GSAP: variants seen among roughly 807,000 people sequenced by gnomAD.
GSAP encodes gamma-secretase-activating protein.
In GSAP, 118 loss-of-function variants were observed where a neutral mutation model predicts 131.7. That is an observed-to-expected ratio of 0.90 (90% CI 0.77 to 1.04). The LOEUF is 1.04. GSAP is among the 50% of genes least tolerant of loss of function. The pLI is 0.00. For missense variants in GSAP, 1,019 were observed against 1,013.2 expected, an observed-to-expected ratio of 1.01 and a Z score of -0.08; for synonymous variants, 381 against 363.4, an observed-to-expected ratio of 1.05 and a Z score of -0.55.
chr7:77,369,751 T>C (rs1267855196), intron 12 of GSAP, among the ~76,000 whole-genome samples: 1 of 152,124 alleles, frequency 6.6e-6, no homozygotes, highest in Non-Finnish European at 1.5e-5. Flanking sequence ...TATCCTATTT[T>C]GCTGGAATAG....
chr7:77,315,810 T>C (rs1330659575), intron 26 of GSAP: 1 of 152,054 alleles, frequency 6.6e-6, no homozygotes, highest in Admixed American at 6.5e-5. Context: ...AGAGGTAAGG[T>C]TGGAAAAGCT....
intron 24 of GSAP, 101 bp from the exon 25 acceptor site, chr7:77,321,504 G>T: frequency 2.6e-6 from 2 of 758,084 alleles, no homozygotes; most frequent in South Asian, 1.5e-5. Context: ...AGGGCAGCTG[G>T]CATTCAGGCT....
intron 10 of GSAP, 97 bp from the exon 11 acceptor site, chr7:77,375,198 G>T: frequency 1.5e-6 from 1 of 664,188 alleles, no homozygotes; most frequent in South Asian, 1.8e-5. Context: ...AAAATATTAT[G>T]TTTGCCTAAT....
chr7:77,318,604 A>G (rs1787187458), intron 26 of GSAP, among the ~76,000 whole-genome samples: 1 of 152,168 alleles, frequency 6.6e-6, no homozygotes. Flanking sequence ...AGAACACACA[A>G]TGGGGAAAGG....
Position 77,355,793 on chromosome 7 carries a change from T to G in GSAP, c.1028-146A>C, listed in dbSNP as rs1386580021. The G allele has an allele frequency of 1.9e-5, 10 of 525,584 alleles. No individual in the cohort carries two copies. The Admixed American group carries it at 2.0e-4, about 11-fold the overall frequency. 32.6% of individuals were successfully genotyped at this position (525,584 alleles called of 1,614,324 possible). A position where few individuals can be genotyped will look rare whatever the true frequency, so the allele number is the denominator to read the frequency against. On this transcript the variant is annotated intron_variant, in intron 14 of 30. Transcript: ENST00000257626. ...AGCTATCTAATGACAGCCCGTTTTT[T>G]TTTTTTTTTTTTTAAGACAGGGTCT...
At chr7:77,338,136 G>C (rs1174698558) in intron 19 of GSAP, among the ~76,000 whole-genome samples, 1 of 152,104 alleles carries the variant, frequency 6.6e-6, no homozygotes, top group Non-Finnish European at 1.5e-5. Flanking sequence ...CTGCACTCCA[G>C]CCTGGGTGAC....
intron 5 of GSAP, among the ~76,000 whole-genome samples, chr7:77,387,826 A>G (rs1798811487): frequency 6.6e-6 from 1 of 152,244 alleles, no homozygotes; most frequent in Non-Finnish European, 1.5e-5. Flanking sequence ...AAGGGAGACA[A>G]ATTTCAGATT....
Position 77,314,377 on chromosome 7 carries a change from G to A in GSAP, c.2202C>T (p.Leu734=), listed in dbSNP as rs533760137. 12 of 1,613,680 alleles carry A rather than the reference G, an allele frequency of 7.4e-6. No individual in the cohort carries two copies. Among genetic ancestry groups the A allele is most frequent in the East Asian group, 2.2e-5 (1 of 44,860 alleles). ...AAACTCAGGGCTTCTTACCTTTCAT[G>A]AGCCTTATGACAGCTGTTTCAGTGA... ...LLLTETAVIR[L]MKDLDNTEKN... is the part of the protein sequence containing the mutation. Residue 734 remains leucine (L), a synonymous_variant, in exon 27 of 31, where the codon CTC becomes CTT. Transcript: ENST00000257626.
At chr7:77,355,718 C>A in intron 14 of GSAP, 71 bp from the exon 15 acceptor site, 1 of 876,158 alleles carries the variant, frequency 1.1e-6, no homozygotes, top group East Asian at 2.4e-5. Context: ...TCACATTATC[C>A]CTGCTTGTCT....
intron 12 of GSAP, among the ~76,000 whole-genome samples, chr7:77,370,778 C>T (rs1343570588): frequency 1.3e-5 from 2 of 152,140 alleles, no homozygotes; most frequent in Non-Finnish European, 2.9e-5. Context: ...CAAGATTTCA[C>T]CTCAATTCCA....
chr7:77,326,350 G>T, intron 22 of GSAP, 77 bp from the exon 23 acceptor site: 1 of 986,592 alleles, frequency 1.0e-6, no homozygotes. Flanking sequence ...AATCAGCCTG[G>T]GTTTCCCTTC....
chr7:77,325,703 T>C (rs1788243837), intron 23 of GSAP, among the ~76,000 whole-genome samples: 1 of 152,220 alleles, frequency 6.6e-6, no homozygotes, highest in East Asian at 1.9e-4. Context: ...CCTGAGTAGC[T>C]GAGATTACAG....
intron 6 of GSAP, among the ~76,000 whole-genome samples, chr7:77,386,694 G>C (rs968663579): frequency 2.0e-5 from 3 of 152,078 alleles, no homozygotes; most frequent in Non-Finnish European, 4.4e-5. Flanking sequence ...GAAATCGCCA[G>C]GAAAAAGCAC....
chr7:77,322,731 A>G (rs1348639750), intron 24 of GSAP, among the ~76,000 whole-genome samples: 1 of 152,114 alleles, frequency 6.6e-6, no homozygotes, highest in Non-Finnish European at 1.5e-5. Context: ...TCACTACATG[A>G]GAATACTAAC....
At chr7:77,401,882 G>A (rs796126910) in intron 3 of GSAP, among the ~76,000 whole-genome samples, 3 of 152,296 alleles carry the variant, frequency 2.0e-5, no homozygotes, top group African/African-American at 7.2e-5. Flanking sequence ...AACACCAATA[G>A]ATCTTGTAGA....
intron 11 of GSAP, among the ~76,000 whole-genome samples, 194 bp from the exon 12 acceptor site, chr7:77,374,349 T>C (rs1171161989): frequency 6.6e-6 from 1 of 152,228 alleles, no homozygotes; most frequent in Non-Finnish European, 1.5e-5. Context: ...GGCATCAGCC[T>C]GATAACAAGG....
At chr7:77,377,243 A>AC in intron 9 of GSAP, 43 bp downstream of exon 9, 1 of 1,335,980 alleles carries the variant, frequency 7.5e-7, no homozygotes, top group Admixed American at 2.7e-5. Context: ...TTTGTAAAAA[A>AC]AAAAAAAAAA....
At chr7:77,358,516 T>A (rs1442350420) in intron 14 of GSAP, among the ~76,000 whole-genome samples, 1 of 152,222 alleles carries the variant, frequency 6.6e-6, no homozygotes, top group East Asian at 1.9e-4. Flanking sequence ...GGATACTTCT[T>A]ATAATTTCAA....
chr7:77,343,069 C>A (rs1350138676), intron 19 of GSAP, among the ~76,000 whole-genome samples: 1 of 152,210 alleles, frequency 6.6e-6, no homozygotes, highest in Non-Finnish European at 1.5e-5. Context: ...AAGTGCAGGG[C>A]TGTATGGTTG....
Sources: allele counts gnomAD v4.1 joint callset (sites outside exome capture counted in the v4.1 genomes callset), GRCh38; gene constraint gnomAD v4.1.1; transcripts MANE v1.5; gene names NCBI Gene and HGNC (gene_info 2026-07-23, HGNC 2026-07-21).